The following CATSPERB variants were observed in gnomAD, a reference collection of about 807,000 sequenced individuals.
CATSPERB encodes the protein cation channel sperm-associated auxiliary subunit beta.
CATSPERB carries 93 observed loss-of-function variants against 128.3 expected under a neutral mutation model. That is an observed-to-expected ratio of 0.72 (90% confidence interval 0.61 to 0.86). The LOEUF is 0.86. Ranked by LOEUF, CATSPERB falls within the 40% of genes least tolerant of loss-of-function variation. CATSPERB has a pLI of 0.00. For missense variants in CATSPERB, 1,153 were observed against 1,329.5 expected (o/e 0.87, Z 2.06); for synonymous variants, 381 against 448.8 (o/e 0.85, Z 1.91).
At chr14:91,701,114 T>C (rs920758248) in intron 7 of CATSPERB, among the ~76,000 whole-genome samples, 1 of 152,086 alleles carries the variant, frequency 6.6e-6, no homozygotes, top group African/African-American at 2.4e-5. Flanking sequence ...CCAAAAATAG[T>C]GACAAAAGTC....
At chr14:91,612,237 A>G (rs547932054) in intron 20 of CATSPERB, among the ~76,000 whole-genome samples, 1 of 152,050 alleles carries the variant, frequency 6.6e-6, no homozygotes, top group Non-Finnish European at 1.5e-5. Context: ...TGAAATCTGA[A>G]ATTTACTCTT....
chr14:91,691,147 G>A (rs566058698), intron 10 of CATSPERB, among the ~76,000 whole-genome samples: 89 of 152,246 alleles, frequency 5.8e-4, no homozygotes, highest in African/African-American at 2.1e-3. Flanking sequence ...GATGGATTGA[G>A]GAGTAAAGTG....
intron 14 of CATSPERB, among the ~76,000 whole-genome samples, chr14:91,664,665 T>C (rs1267928300): frequency 6.6e-6 from 1 of 152,214 alleles, no homozygotes; most frequent in Non-Finnish European, 1.5e-5. Context: ...TTGGTTGCTG[T>C]ACAACCCTCA....
At chr14:91,683,485 C>A (rs2139839472) in intron 11 of CATSPERB, among the ~76,000 whole-genome samples, 1 of 152,206 alleles carries the variant, frequency 6.6e-6, no homozygotes, top group South Asian at 2.1e-4. Flanking sequence ...TCCCTTCCCA[C>A]CCGACACTCC....
intron 17 of CATSPERB, among the ~76,000 whole-genome samples, chr14:91,629,519 G>A (rs749430984): frequency 4.1e-4 from 63 of 152,242 alleles, no homozygotes; most frequent in South Asian, 3.3e-3. Flanking sequence ...AGGTACGTAC[G>A]CTGGGTGATA....
At chr14:91,654,584 C>T (rs573287248) in intron 15 of CATSPERB, among the ~76,000 whole-genome samples, 22 of 152,232 alleles carry the variant, frequency 1.4e-4, no homozygotes, top group South Asian at 8.3e-4. Flanking sequence ...CCAGCTTAGC[C>T]GCAATAGAAT....
intron 15 of CATSPERB, among the ~76,000 whole-genome samples, chr14:91,647,611 C>T (rs137877428): frequency 0.031 from 4,795 of 152,268 alleles, 162 homozygotes; most frequent in East Asian, 0.15. Flanking sequence ...AGCAAAGTCA[C>T]ATCTTACATG....
chr14:91,607,460 A>G (rs1038883520), intron 22 of CATSPERB, among the ~76,000 whole-genome samples: 6 of 152,118 alleles, frequency 3.9e-5, no homozygotes, highest in Non-Finnish European at 2.9e-5. Flanking sequence ...ATTTTCTGCA[A>G]CTGTGAAGGC....
At chr14:91,672,711 G>A (rs918328955) in intron 13 of CATSPERB, among the ~76,000 whole-genome samples, 156 bp downstream of exon 13, 7 of 152,132 alleles carry the variant, frequency 4.6e-5, no homozygotes, top group Non-Finnish European at 8.8e-5. Context: ...AATCTCTAAA[G>A]TGTCAAGCTA....
At chr14:91,682,558 C>T (rs1283444275) in intron 11 of CATSPERB, among the ~76,000 whole-genome samples, 1 of 152,162 alleles carries the variant, frequency 6.6e-6, no homozygotes, top group African/African-American at 2.4e-5. Context: ...TGCTTATGGG[C>T]CTGTGGCACT....
intron 19 of CATSPERB, among the ~76,000 whole-genome samples, chr14:91,620,832 C>T (rs1007958231): frequency 6.6e-5 from 10 of 152,112 alleles, no homozygotes; most frequent in African/African-American, 1.7e-4. Flanking sequence ...TTTCACATCC[C>T]GCAAAAACTG....
chr14:91,605,148 C>T (rs775589658), intron 22 of CATSPERB: 109 of 1,349,598 alleles, frequency 8.1e-5, no homozygotes, highest in East Asian at 1.4e-4. Flanking sequence ...AGCAGATCCA[C>T]GGAGGAAGGA....
intron 15 of CATSPERB, among the ~76,000 whole-genome samples, chr14:91,654,269 C>A (rs1157319996): frequency 6.6e-6 from 1 of 152,200 alleles, no homozygotes; most frequent in African/African-American, 2.4e-5. Context: ...TGGGTACCAG[C>A]TTGGCCACAG....
At position 91,624,819 on chromosome 14, in the gene CATSPERB, C is replaced by CATCT. The variant is rs1371269449; in HGVS notation, c.1930_1930+1insAGAT (p.Val644GlufsTer8). 2 of 1,584,384 alleles carry CATCT rather than the reference C, an allele frequency of 1.3e-6. No homozygotes were observed. Among genetic ancestry groups the CATCT allele is most frequent in the Admixed American group, 3.8e-5 (2 of 52,306 alleles). ...GAGATGTATGATATTATTATACCTA[C>CATCT]CTTGTGAATCAAGAGTGAGTTTATA... On this transcript the variant is annotated frameshift_variant and splice_region_variant. Transcript: ENST00000256343. LOFTEE classifies it high-confidence loss of function.
At chr14:91,677,704 T>C (rs892172443) in intron 11 of CATSPERB, among the ~76,000 whole-genome samples, 1 of 152,242 alleles carries the variant, frequency 6.6e-6, no homozygotes, top group Admixed American at 6.5e-5. Flanking sequence ...ATCCCATTAC[T>C]GGGTATATAC....
intron 20 of CATSPERB, among the ~76,000 whole-genome samples, chr14:91,612,485 A>G (rs1403894698): frequency 6.6e-6 from 1 of 152,180 alleles, no homozygotes; most frequent in Admixed American, 6.5e-5. Flanking sequence ...AAATTCACTT[A>G]GTAATCACTG....
chr14:91,620,667 T>C (rs1030295568), intron 19 of CATSPERB, among the ~76,000 whole-genome samples: 18 of 152,224 alleles, frequency 1.2e-4, no homozygotes, highest in African/African-American at 4.3e-4. Flanking sequence ...TCAAGGTCTT[T>C]TTTTTGGCTT....
intron 22 of CATSPERB, among the ~76,000 whole-genome samples, chr14:91,605,905 G>A (rs1284264766): frequency 1.3e-5 from 2 of 152,212 alleles, no homozygotes; most frequent in Non-Finnish European, 1.5e-5. Flanking sequence ...GCTGGGCGCT[G>A]TGGCTCACGC....
At position 91,659,908 on chromosome 14, in the gene CATSPERB, GTCT is replaced by G. The variant is rs1314600453; in HGVS notation, c.1358_1360del (p.Lys453del). On this transcript the variant is annotated inframe_deletion, in exon 15 of 27. Transcript: ENST00000256343. Reference sequence around the variant, plus strand: ...AGCTGATGTATAAAAACTATGAAAAGTCTTCTTTATGATATCATCATGAAAGTT... The same window carrying G: ...AGCTGATGTATAAAAACTATGAAAAGTCTTTATGATATCATCATGAAAGTT... The G allele has an allele frequency of 2.5e-6, 4 of 1,603,284 alleles. No homozygotes were observed. The highest frequency in any genetic ancestry group is 3.4e-6 in the Non-Finnish European group (4 of 1,176,958).
Sources: gnomAD v4.1 joint callset for allele counts (sites outside exome capture counted in the v4.1 genomes callset) on GRCh38, gnomAD v4.1.1 for gene constraint, MANE v1.5 for transcripts, NCBI Gene and HGNC (gene_info 2026-07-23, HGNC 2026-07-21) for gene names.